The following WWOX variants were observed in gnomAD, a reference collection of about 807,000 sequenced individuals.
WWOX encodes the protein WW domain containing oxidoreductase, also known as WW domain-containing oxidoreductase.
WWOX carries 69 observed loss-of-function variants against 46.2 expected under a neutral mutation model. The ratio of observed to expected loss-of-function variants is 1.49; its 90% confidence interval spans 1.23 to 1.82. WWOX has a LOEUF of 1.82. WWOX is among the 40% of genes most tolerant of loss of function. WWOX has a pLI of 0.00. For synonymous variants in WWOX, 359 were observed against 202.6 expected (o/e 1.77, Z -6.56); for missense variants, 919 against 542.6 (o/e 1.69, Z -6.89).
At chr16:79,068,180 T>C (rs1460087553) in intron 8 of WWOX, among the ~76,000 whole-genome samples, 1 of 152,152 alleles carries the variant, frequency 6.6e-6, no homozygotes, top group East Asian at 1.9e-4. Flanking sequence ...GAGCATTGGG[T>C]GAATGACCCT....
intron 5 of WWOX, among the ~76,000 whole-genome samples, chr16:78,306,352 C>T (rs779018522): frequency 3.9e-5 from 6 of 152,074 alleles, no homozygotes; most frequent in Admixed American, 2.6e-4. Flanking sequence ...TTATGTGTTA[C>T]TGGTCAGGCG....
At chr16:78,264,434 T>G (rs1364433467) in intron 5 of WWOX, 1 of 152,138 alleles carries the variant, frequency 6.6e-6, no homozygotes, top group Non-Finnish European at 1.5e-5. Context: ...TATCCTAATC[T>G]TGGAAGTGGC....
chr16:79,020,281 C>A (rs530245532), intron 8 of WWOX, among the ~76,000 whole-genome samples: 1 of 152,150 alleles, frequency 6.6e-6, no homozygotes, highest in Admixed American at 6.5e-5. Flanking sequence ...CTGGGGCAGT[C>A]ATGGAAGACT....
At chr16:78,713,325 C>T (rs969105206) in intron 8 of WWOX, among the ~76,000 whole-genome samples, 1 of 137,242 alleles carries the variant, frequency 7.3e-6, no homozygotes. Flanking sequence ...CCCAAAACTT[C>T]TAGACAGGGC....
intron 5 of WWOX, among the ~76,000 whole-genome samples, chr16:78,377,945 A>T (rs1341458497): frequency 6.6e-6 from 1 of 152,146 alleles, no homozygotes; most frequent in Non-Finnish European, 1.5e-5. Flanking sequence ...GTAATGAAGG[A>T]AGAGTTGTCA....
At chr16:78,658,768 G>A (rs2047138862) in intron 8 of WWOX, among the ~76,000 whole-genome samples, 1 of 151,984 alleles carries the variant, frequency 6.6e-6, no homozygotes, top group Non-Finnish European at 1.5e-5. Flanking sequence ...TTAACAAGTT[G>A]CATCTGTGAA....
At chr16:78,226,188 G>T (rs569892280) in intron 5 of WWOX, among the ~76,000 whole-genome samples, 1 of 152,092 alleles carries the variant, frequency 6.6e-6, no homozygotes, top group Non-Finnish European at 1.5e-5. Flanking sequence ...AGCCCTTTGG[G>T]GTAACTTGCT....
chr16:78,750,258 A>C (rs1230765320), intron 8 of WWOX, among the ~76,000 whole-genome samples: 1 of 152,186 alleles, frequency 6.6e-6, no homozygotes, highest in Admixed American at 6.5e-5. Context: ...CTGAACTCCT[A>C]TTCAGAGGCT....
intron 8 of WWOX, among the ~76,000 whole-genome samples, chr16:78,831,779 C>T (rs1311044930): frequency 6.6e-6 from 1 of 152,194 alleles, no homozygotes; most frequent in Non-Finnish European, 1.5e-5. Flanking sequence ...CTATGACCTC[C>T]AGAAGCTTTT....
intron 5 of WWOX, among the ~76,000 whole-genome samples, chr16:78,330,510 C>G (rs973926524): frequency 4.6e-5 from 7 of 152,124 alleles, no homozygotes; most frequent in African/African-American, 1.7e-4. Context: ...AATTCTCCTG[C>G]CTCAGCCTCC....
At chr16:78,376,084 A>T (rs144322183) in intron 5 of WWOX, among the ~76,000 whole-genome samples, 13,701 of 152,086 alleles carry the variant, frequency 0.09, 838 homozygotes, top group South Asian at 0.17. Context: ...TCCTGACCTC[A>T]AGTGATCCAC....
chr16:78,532,487 C>A (rs1220388867), intron 8 of WWOX, among the ~76,000 whole-genome samples: 1 of 152,014 alleles, frequency 6.6e-6, no homozygotes, highest in Non-Finnish European at 1.5e-5. Context: ...TTGATACTAG[C>A]TAGGGTGTTG....
intron 8 of WWOX, among the ~76,000 whole-genome samples, chr16:79,103,290 C>T (rs191991001): frequency 6.8e-4 from 103 of 152,314 alleles, no homozygotes; most frequent in Non-Finnish European, 1.1e-3. Context: ...TATTTAATTT[C>T]TGTATGAAGT....
intron 8 of WWOX, among the ~76,000 whole-genome samples, chr16:78,510,156 T>G (rs1165407189): frequency 6.6e-6 from 1 of 152,190 alleles, no homozygotes. Flanking sequence ...GAGTCACTTA[T>G]GCCCTTGAAG....
At chr16:78,468,615 A>G (rs1400669093) in intron 8 of WWOX, among the ~76,000 whole-genome samples, 1 of 152,174 alleles carries the variant, frequency 6.6e-6, no homozygotes, top group Non-Finnish European at 1.5e-5. Flanking sequence ...ATGACTTGGA[A>G]TAAAGACTTA....
At chr16:78,966,255 G>C (rs1487673081) in intron 8 of WWOX, among the ~76,000 whole-genome samples, 1 of 152,182 alleles carries the variant, frequency 6.6e-6, no homozygotes, top group Non-Finnish European at 1.5e-5. Context: ...AGGTTAAGAG[G>C]AGATAACAGA....
chr16:79,018,250 A>G (rs1459897141), intron 8 of WWOX, among the ~76,000 whole-genome samples: 1 of 152,210 alleles, frequency 6.6e-6, no homozygotes, highest in Non-Finnish European at 1.5e-5. Flanking sequence ...TCTAGTATGT[A>G]AAATCAGCAA....
intron 8 of WWOX, among the ~76,000 whole-genome samples, chr16:78,618,182 G>A (rs1012537357): frequency 4.6e-5 from 7 of 152,180 alleles, no homozygotes; most frequent in East Asian, 1.9e-4. Flanking sequence ...CTTGAGTCCC[G>A]ATCTCACTGA....
At chr16:78,675,834 T>C (rs903587518) in intron 8 of WWOX, among the ~76,000 whole-genome samples, 1 of 151,946 alleles carries the variant, frequency 6.6e-6, no homozygotes, top group Non-Finnish European at 1.5e-5. Flanking sequence ...AAAGAAAATA[T>C]ATATATTTTT....
Sources: allele counts gnomAD v4.1 joint callset (sites outside exome capture counted in the v4.1 genomes callset), GRCh38; gene constraint gnomAD v4.1.1; transcripts MANE v1.5; gene names NCBI Gene and HGNC (gene_info 2026-07-23, HGNC 2026-07-21).